Variants in PCDH15 observed in about 807,000 individuals in gnomAD.
PCDH15 encodes the protein protocadherin related 15.
PCDH15 carries 129 observed loss-of-function variants against 178.5 expected under a neutral mutation model. The observed-to-expected ratio is 0.72, with a 90% CI of 0.63 to 0.84. The LOEUF (loss-of-function observed/expected upper bound fraction) is 0.84, where lower values mean the gene tolerates loss of function less well. Among genes scored for constraint, PCDH15 ranks in the 40% least tolerant of loss-of-function variants. The pLI is 0.00. For synonymous variants in PCDH15, 800 were observed against 732.0 expected (o/e 1.09, Z -1.50); for missense variants, 2,230 against 2,099.9 (o/e 1.06, Z -1.21).
upstream of PCDH15, among the ~76,000 whole-genome samples, chr10:55,320,224 T>C (rs1342591885): frequency 6.6e-6 from 1 of 152,186 alleles, no homozygotes; most frequent in Non-Finnish European, 1.5e-5. Flanking sequence ...ACTGTGCCAC[T>C]GTTGCTGGTA....
At chr10:54,248,453 A>G (rs529494771) in intron 8 of PCDH15, among the ~76,000 whole-genome samples, 1 of 152,148 alleles carries the variant, frequency 6.6e-6, no homozygotes, top group Non-Finnish European at 1.5e-5. Context: ...TTCATTCCCT[A>G]CATTTTTATT....
At chr10:55,481,739 G>C (rs1446290462) in intron 2 of PCDH15, among the ~76,000 whole-genome samples, 2 of 151,776 alleles carry the variant, frequency 1.3e-5, no homozygotes, top group Non-Finnish European at 2.9e-5. Context: ...TTGCTGAGGA[G>C]TGTTTTACTT....
At chr10:54,040,036 T>G (rs1417148289) in intron 18 of PCDH15, among the ~76,000 whole-genome samples, 1 of 152,096 alleles carries the variant, frequency 6.6e-6, no homozygotes, top group Non-Finnish European at 1.5e-5. Flanking sequence ...TAATGAGTTA[T>G]TTTGTTATTT....
intron 2 of PCDH15, among the ~76,000 whole-genome samples, chr10:55,120,511 C>T (rs1338357037): frequency 1.3e-5 from 2 of 151,816 alleles, no homozygotes; most frequent in African/African-American, 2.4e-5. Context: ...TGGATCATTC[C>T]AATTTTGGAG....
At chr10:54,364,660 T>C (rs1204035033) in intron 5 of PCDH15, among the ~76,000 whole-genome samples, 1 of 152,150 alleles carries the variant, frequency 6.6e-6, no homozygotes, top group African/African-American at 2.4e-5. Flanking sequence ...ACTTTTGCAT[T>C]AGTTTTCTAT....
Position 55,135,707 on chromosome 10 carries a change from C to T in PCDH15, c.-80+30869G>A, listed in dbSNP as rs562794692. Among the ~76,000 whole-genome samples, 23 of 150,938 alleles carry T rather than the reference C, an allele frequency of 1.5e-4. No individual in the cohort carries two copies. In the South Asian group the frequency reaches 3.6e-3, roughly 23 times the overall value. On this transcript the variant is annotated intron_variant, in intron 2 of 5. Transcript: ENST00000458638. The stretch of plus-strand genomic sequence containing the variant: ...AAGCAATTCTCCCACTTCAGCCTCC[C>T]GAGTAGCTGGGGTTACAGGCACACA...
chr10:55,565,245 T>C (rs1377949215), intron 2 of PCDH15, among the ~76,000 whole-genome samples: 1 of 151,640 alleles, frequency 6.6e-6, no homozygotes, highest in Non-Finnish European at 1.5e-5. Flanking sequence ...ATTTCTAAAT[T>C]ACCAATTGAT....
chr10:54,797,536 A>G (rs1952164318), intron 1 of PCDH15, among the ~76,000 whole-genome samples: 1 of 151,688 alleles, frequency 6.6e-6, no homozygotes, highest in South Asian at 2.1e-4. Context: ...ACACACACAC[A>G]CACACACACA....
At chr10:54,351,390 A>C (rs1944158480) in intron 5 of PCDH15, among the ~76,000 whole-genome samples, 1 of 152,158 alleles carries the variant, frequency 6.6e-6, no homozygotes, top group South Asian at 2.1e-4. Flanking sequence ...CCCTCTTGAC[A>C]GCCTATTTGC....
At chr10:55,413,128 A>C (rs961725895) in intron 2 of PCDH15, among the ~76,000 whole-genome samples, 3 of 151,838 alleles carry the variant, frequency 2.0e-5, no homozygotes, top group African/African-American at 7.2e-5. Context: ...TATTTATATA[A>C]TTCTTACCCA....
chr10:53,968,002 T>C (rs1246334591), intron 21 of PCDH15, among the ~76,000 whole-genome samples: 1 of 152,090 alleles, frequency 6.6e-6, no homozygotes, highest in African/African-American at 2.4e-5. Context: ...ACCGGGTTCA[T>C]CTCACTGGGG....
intron 2 of PCDH15, among the ~76,000 whole-genome samples, chr10:55,164,535 G>A (rs1288429889): frequency 6.6e-6 from 1 of 151,502 alleles, no homozygotes; most frequent in East Asian, 1.9e-4. Context: ...TAACATCTTA[G>A]GTTAAGTAAT....
intron 1 of PCDH15, among the ~76,000 whole-genome samples, chr10:55,234,937 T>C (rs1483362470): frequency 6.6e-6 from 1 of 151,998 alleles, no homozygotes; most frequent in Non-Finnish European, 1.5e-5. Context: ...AAAATGGTAA[T>C]GCAGTAAGAT....
At chr10:53,865,564 A>G (rs2079389873) in intron 27 of PCDH15, among the ~76,000 whole-genome samples, 1 of 152,198 alleles carries the variant, frequency 6.6e-6, no homozygotes, top group Non-Finnish European at 1.5e-5. Context: ...AAAAGTGTTT[A>G]CCGATCTTAA....
chr10:54,388,065 A>G (rs1950122599), intron 3 of PCDH15, among the ~76,000 whole-genome samples: 1 of 152,206 alleles, frequency 6.6e-6, no homozygotes, highest in Admixed American at 6.5e-5. Flanking sequence ...ATGGCTGCAC[A>G]ACTGTATGAA....
intron 3 of PCDH15, among the ~76,000 whole-genome samples, chr10:54,423,073 T>C (rs1458780478): frequency 6.6e-6 from 1 of 152,122 alleles, no homozygotes; most frequent in Non-Finnish European, 1.5e-5. Context: ...AGGTTACTCC[T>C]CAAATTTATG....
intron 1 of PCDH15, among the ~76,000 whole-genome samples, chr10:54,760,298 A>C (rs568748765): frequency 6.6e-6 from 1 of 152,082 alleles, no homozygotes; most frequent in South Asian, 2.1e-4. Flanking sequence ...AGTTCTTTGA[A>C]GTTCTATTCA....
At chr10:53,917,417 C>T (rs1280915789) in intron 25 of PCDH15, among the ~76,000 whole-genome samples, 1 of 152,032 alleles carries the variant, frequency 6.6e-6, no homozygotes, top group African/African-American at 2.4e-5. Flanking sequence ...AAAACTAATG[C>T]TTTGTTTAAA....
At chr10:55,440,970 G>GC (rs1239813382) in intron 2 of PCDH15, among the ~76,000 whole-genome samples, 1 of 152,050 alleles carries the variant, frequency 6.6e-6, no homozygotes, top group African/African-American at 2.4e-5. Context: ...TAGGGCAACT[G>GC]CCCCCCATGA....
Sources: gnomAD v4.1 joint callset for allele counts (sites outside exome capture counted in the v4.1 genomes callset) on GRCh38, gnomAD v4.1.1 for gene constraint, MANE v1.5 for transcripts, NCBI Gene and HGNC (gene_info 2026-07-23, HGNC 2026-07-21) for gene names.